MEGF8: variants seen among roughly 807,000 people sequenced by gnomAD.
The protein encoded by MEGF8 is multiple EGF like domains 8.
In MEGF8, 156 loss-of-function variants were observed where a neutral mutation model predicts 302.9. The ratio of observed to expected loss-of-function variants is 0.52; its 90% CI spans 0.45 to 0.59. MEGF8 has a LOEUF of 0.59. MEGF8 is among the 20% of genes least tolerant of loss of function. The pLI, the probability that MEGF8 is intolerant of heterozygous loss-of-function variation, is 0.00. For missense variants in MEGF8, 3,345 were observed against 3,964.5 expected (o/e 0.84, Z 4.20); for synonymous variants, 1,621 against 1,660.5 (o/e 0.98, Z 0.58).
At position 42,336,389 on chromosome 19, in the gene MEGF8, C is replaced by A; in HGVS notation, c.1244+43C>A. The stretch of plus-strand genomic sequence containing the variant: ...TAACCCATGCTCCACAGGCCAGGCC[C>A]AGCTCAACACCATAGGCCTTTAGTC... On this transcript the variant is annotated intron_variant, in intron 6 of 41. Transcript: ENST00000251268. This position sits in a 1 kb window ranked among gnomAD's most constrained non-coding sequence, Gnocchi z 4.8. The A allele has an allele frequency of 6.5e-7, 1 of 1,527,514 alleles. No individual in the cohort carries two copies. Among genetic ancestry groups the A allele is most frequent in the East Asian group, 2.3e-5 (1 of 43,842 alleles). The allele number at this position is 1,527,514 out of a possible 1,614,324, so 94.6% of individuals were successfully genotyped here.
In MEGF8 at chr19:42,350,156, C is replaced by T. The variant is rs1477217567; in HGVS notation, c.2508C>T (p.Ser836=). The change falls in exon 15 of 42, where the codon TCC becomes TCT. Residue 836 remains serine (S), a synonymous_variant. Transcript: ENST00000251268. ...TGTGACCCCTTCCCCAGGAGATCTC[C>T]TTCTTCTTCCTGGAGCCCTACCGCT... ...RTGVPGGSEI[S]FFFLEPYRSS... 3.7e-6 allele frequency: 6 copies of T among 1,611,308 alleles called. No homozygotes were observed. The highest frequency in any genetic ancestry group is 5.1e-6 in the Non-Finnish European group (6 of 1,178,136).
In MEGF8 at chr19:42,352,080, GTCTC is replaced by G; in HGVS notation, c.3102-124_3102-121del. The G allele has an allele frequency of 4.8e-6, 6 of 1,253,346 alleles. No homozygotes were observed. The highest frequency in any genetic ancestry group is 6.5e-6 in the Non-Finnish European group (6 of 928,856). The allele number at this position is 1,253,346 out of a possible 1,614,324, so 77.6% of individuals were successfully genotyped here. A position where few individuals can be genotyped will look rare whatever the true frequency, so the allele number is the denominator to read the frequency against. The stretch of plus-strand genomic sequence containing the variant: ...GTCTGCGACTTCTCCTGGTTTCTCT[GTCTC>G]TCTTTCCAAATTTGTATTTGCATCC... On this transcript the variant is annotated intron_variant, in intron 18 of 41. Coordinates refer to ENST00000251268, the MANE Select transcript of MEGF8 (RefSeq NM_001271938.2). The surrounding 1 kb of genome is among the most constrained non-coding windows in gnomAD (Gnocchi z 4.4).
intron 12 of MEGF8, 87 bp from the exon 13 acceptor site, chr19:42,348,185 G>T: frequency 8.0e-7 from 1 of 1,243,080 alleles, no homozygotes. Flanking sequence ...TGGGGAAGAA[G>T]GTTGGGTTGA....
rs1304662555 is a variant in MEGF8, at chr19:42,356,580, C to T, written c.4622+127C>T. ...GGACAGCCCAAAGGATGCTGGGACA[C>T]TTGTCACAGGAAGCTCACCCGGGGA... On this transcript the variant is annotated intron_variant, in intron 26 of 41. Transcript: ENST00000251268. The surrounding 1 kb of genome is among the most constrained non-coding windows in gnomAD (Gnocchi z 5.2). 5.2e-6 allele frequency: 5 copies of T among 965,052 alleles called. No homozygotes were observed. In the East Asian group the frequency reaches 1.1e-4, roughly 20 times the overall value. 59.8% of individuals were successfully genotyped at this position (965,052 alleles called of 1,614,324 possible). A position where few individuals can be genotyped will look rare whatever the true frequency, so the allele number is the denominator to read the frequency against.
In MEGF8 at chr19:42,362,111, C is replaced by G; in HGVS notation, c.5742C>G (p.Pro1914=). 6.2e-7 allele frequency: 1 copy of G among 1,612,452 alleles called. No individual in the cohort carries two copies. Among genetic ancestry groups the G allele is most frequent in the Middle Eastern group, 1.7e-4 (1 of 5,952 alleles). Reference sequence around the variant, plus strand: ...TTAGGCTGGGCTGCGGGGGCTCCCCCTGCTCCCCAATGCCTCGCTCCCCGG... The same window carrying G: ...TTAGGCTGGGCTGCGGGGGCTCCCCGTGCTCCCCAATGCCTCGCTCCCCGG... ...QAHRLGCGGS[P]CSPMPRSPEE... Residue 1914 remains proline, a synonymous_variant, in exon 33 of 42, where the codon CCC becomes CCG. Transcript: ENST00000251268.
At position 42,356,684 on chromosome 19, in the gene MEGF8, A is replaced by T; in HGVS notation, c.4623-90A>T. ...AGGACTGTCATAGGAAGGTCACCCC[A>T]GGGGATGCGGGGACATCTGTCAGGC... On this transcript the variant is annotated intron_variant, in intron 26 of 41. Coordinates refer to ENST00000251268, the MANE Select transcript of MEGF8 (RefSeq NM_001271938.2). This position sits in a 1 kb window ranked among gnomAD's most constrained non-coding sequence, Gnocchi z 5.2. 1 of 1,351,622 alleles carries T rather than the reference A, an allele frequency of 7.4e-7. No individual in the cohort carries two copies. Among genetic ancestry groups the T allele is most frequent in the Non-Finnish European group, 1.0e-6 (1 of 993,910 alleles). The allele number at this position is 1,351,622 out of a possible 1,614,324, so 83.7% of individuals were successfully genotyped here. A position where few individuals can be genotyped will look rare whatever the true frequency, so the allele number is the denominator to read the frequency against.
intron 41 of MEGF8, among the ~76,000 whole-genome samples, chr19:42,372,457 A>G (rs1306899865): frequency 6.6e-6 from 1 of 151,630 alleles, no homozygotes; most frequent in African/African-American, 2.4e-5. Context: ...TCAGAGGACA[A>G]CTCCCGCCAC....
intron 8 of MEGF8, among the ~76,000 whole-genome samples, chr19:42,337,634 A>AG (rs1600020911): frequency 6.8e-6 from 1 of 147,092 alleles, no homozygotes; most frequent in East Asian, 2.0e-4. Context: ...AGCCTCCTGC[A>AG]TCGCTGGGAC....
chr19:42,342,615 T>C (rs909809730), intron 8 of MEGF8, among the ~76,000 whole-genome samples: 2 of 149,160 alleles, frequency 1.3e-5, no homozygotes, highest in Non-Finnish European at 3.0e-5. Flanking sequence ...GCAGCCTGGG[T>C]GACAAAGCGA....
Position 42,325,897 on chromosome 19 carries a change from C to T in MEGF8, c.-347C>T, listed in dbSNP as rs552562873. On this transcript the variant is annotated 5_prime_UTR_variant, in exon 1 of 42. Transcript: ENST00000251268. ...CACCCGTCTATAAGGTCCGTTTGGC[C>T]TGCAGCAGCCTGAGTCCGTAATGCT... 6 of 237,382 alleles carry T rather than the reference C, an allele frequency of 2.5e-5. No individual in the cohort carries two copies. In the South Asian group the frequency reaches 9.6e-4, roughly 38 times the overall value. 14.7% of individuals were successfully genotyped at this position (237,382 alleles called of 1,614,324 possible). A position where few individuals can be genotyped will look rare whatever the true frequency, so the allele number is the denominator to read the frequency against.
chr19:42,355,269 TA>T (rs1429428958), intron 23 of MEGF8, among the ~76,000 whole-genome samples: 2 of 150,422 alleles, frequency 1.3e-5, no homozygotes, highest in African/African-American at 2.5e-5. Flanking sequence ...TATATATATA[TA>T]ACTTTATTGA....
Position 42,368,793 on chromosome 19 carries a change from G to A in MEGF8, c.6482-50G>A, listed in dbSNP as rs1023263146. ...GGCAGGAGGGAGGGCCTAGGCAACTGGGGCAGGTGGTACAGAGGTCCAGGT... is the reference window on the plus strand; with the variant it reads ...GGCAGGAGGGAGGGCCTAGGCAACTAGGGCAGGTGGTACAGAGGTCCAGGT... On this transcript the variant is annotated intron_variant, in intron 36 of 41. Transcript: ENST00000251268. This position sits in a 1 kb window ranked among gnomAD's most constrained non-coding sequence, Gnocchi z 4.9. 2.5e-6 allele frequency: 4 copies of A among 1,588,876 alleles called. No homozygotes were observed. The highest frequency in any genetic ancestry group is 2.7e-5 in the African/African-American group (2 of 74,434).
chr19:42,335,675 A>T (rs988556675), intron 5 of MEGF8, among the ~76,000 whole-genome samples: 20 of 151,162 alleles, frequency 1.3e-4, no homozygotes, highest in African/African-American at 4.9e-4. Flanking sequence ...CTGTGTCTCC[A>T]TCTCTCTGGA....
At chr19:42,350,426 G>C in intron 15 of MEGF8, 42 bp downstream of exon 15, 1 of 1,443,908 alleles carries the variant, frequency 6.9e-7, no homozygotes, top group Non-Finnish European at 9.1e-7. Flanking sequence ...GGTGGAGGGA[G>C]CCACAGCAGG....
chr19:42,375,823 C>G lies in MEGF8; in HGVS notation c.7586C>G (p.Pro2529Arg), dbSNP rs962664078. 2 of 1,611,958 alleles carry G rather than the reference C, an allele frequency of 1.2e-6. No homozygotes were observed. The highest frequency in any genetic ancestry group is 2.7e-5 in the African/African-American group (2 of 74,920). Residue 2529 changes from proline to arginine, a missense_variant, in exon 42 of 42, where the codon CCC (proline) becomes CGC (arginine). Pro to Arg is a moderately radical substitution (Grantham distance 103). Transcript: ENST00000251268. This position sits in a 1 kb window ranked among gnomAD's most constrained non-coding sequence, Gnocchi z 7.1. ...TGVHTVHIQPPPAPPPPPPPA... is the reference protein window; with the variant it reads ...TGVHTVHIQPRPAPPPPPPPA... ...GTCCATACTGTACACATCCAGCCAC[C>G]CCCAGCCCCACCACCTCCACCACCC...
At position 42,343,552 on chromosome 19, in the gene MEGF8, G is replaced by A. The variant is rs2039244230; in HGVS notation, c.1589G>A (p.Gly530Glu). 6.2e-7 allele frequency: 1 copy of A among 1,613,580 alleles called. No individual in the cohort carries two copies. The highest frequency in any genetic ancestry group is 1.7e-5 in the Admixed American group (1 of 59,990). Residue 530 changes from glycine to glutamate, a missense_variant, in exon 9 of 42, where the codon GGG (glycine) becomes GAG (glutamate). By Grantham distance (98) the Gly-to-Glu change is moderately conservative (BLOSUM62 -2). Coordinates refer to ENST00000251268, the MANE Select transcript of MEGF8 (RefSeq NM_001271938.2). ...VLGGSVLLVA[G>E]GYSGRPRGDL... is the part of the protein sequence containing the mutation. ...GGTGGCAGCGTCCTGTTGGTGGCTGGGGGGTACAGCGGCCGGCCCCGTGGG... is the reference window on the plus strand; with the variant it reads ...GGTGGCAGCGTCCTGTTGGTGGCTGAGGGGTACAGCGGCCGGCCCCGTGGG...
At chr19:42,366,008 G>A (rs1223912004) in intron 35 of MEGF8, among the ~76,000 whole-genome samples, 1 of 151,842 alleles carries the variant, frequency 6.6e-6, no homozygotes, top group Non-Finnish European at 1.5e-5. Context: ...CTTGAACCTG[G>A]GTGGCAGAGG....
chr19:42,368,903 A>G lies in MEGF8; in HGVS notation c.6542A>G (p.Glu2181Gly). 6.2e-7 allele frequency: 1 copy of G among 1,613,896 alleles called. No homozygotes were observed. Among genetic ancestry groups the G allele is most frequent in the Non-Finnish European group, 8.5e-7 (1 of 1,179,882 alleles). Residue 2181 changes from glutamate (E) to glycine (G), a missense_variant, in exon 37 of 42, where the codon GAG becomes GGG. Glu to Gly is a moderately conservative substitution (Grantham distance 98). Coordinates refer to ENST00000251268, the MANE Select transcript of MEGF8 (RefSeq NM_001271938.2). This position sits in a 1 kb window ranked among gnomAD's most constrained non-coding sequence, Gnocchi z 4.9. ...WAFLSCPPED[E>G]CANGHHDCNE... ...TTCCTGTCCTGCCCCCCTGAGGACG[A>G]GTGTGCAAACGGGCACCACGACTGC...
rs750184867 is a variant in MEGF8, at chr19:42,378,716, CAGA to C, written c.*1948_*1950del. ...ATGTCAGAGGTGGTGGGGACCACAT[CAGA>C]AGAAGAGGGGGGTGATGAAATTAAC... is the stretch of plus-strand genomic sequence containing the variant. On this transcript the variant is annotated 3_prime_UTR_variant, in exon 42 of 42. Coordinates refer to ENST00000251268, the MANE Select transcript of MEGF8 (RefSeq NM_001271938.2). 11 of 153,726 alleles carry C rather than the reference CAGA, an allele frequency of 7.2e-5. No individual in the cohort carries two copies. The highest frequency in any genetic ancestry group is 2.4e-4 in the African/African-American group (10 of 41,422). The allele number at this position is 153,726 out of a possible 1,614,324, so 9.5% of individuals were successfully genotyped here. A position where few individuals can be genotyped will look rare whatever the true frequency, so the allele number is the denominator to read the frequency against.
Sources: gnomAD v4.1 joint callset for allele counts (sites outside exome capture counted in the v4.1 genomes callset) on GRCh38, gnomAD v4.1.1 for gene constraint, Gnocchi (gnomAD v3.1) non-coding constraint, MANE v1.5 for transcripts, NCBI Gene and HGNC (gene_info 2026-07-23, HGNC 2026-07-21) for gene names.